The following PPP6R3 variants were observed in gnomAD, a reference collection of about 807,000 sequenced individuals.
The protein encoded by PPP6R3 is protein phosphatase 6 regulatory subunit 3.
PPP6R3 carries 38 observed loss-of-function variants against 110.7 expected under a neutral mutation model. That is an observed-to-expected ratio of 0.34 (90% CI 0.26 to 0.45). The LOEUF is 0.45. Ranked by LOEUF, PPP6R3 falls within the 20% of genes least tolerant of loss-of-function variation. The probability of loss-of-function intolerance (pLI) is 1.00; values close to 1 mark genes in which losing one functional copy is unlikely to be tolerated. For synonymous variants in PPP6R3, 369 were observed against 373.5 expected (o/e 0.99, Z 0.14); for missense variants, 870 against 1,062.4 (o/e 0.82, Z 2.52).
At chr11:68,493,616 CATATATAT>C (rs71043436) in intron 1 of PPP6R3, among the ~76,000 whole-genome samples, 19 of 137,484 alleles carry the variant, frequency 1.4e-4, no homozygotes, top group Non-Finnish European at 2.6e-4. Flanking sequence ...AAAACAAAAC[CATATATAT>C]ATATATATAT....
chr11:68,495,163 GTC>G (rs975884231), intron 1 of PPP6R3, among the ~76,000 whole-genome samples: 78 of 152,286 alleles, frequency 5.1e-4, no homozygotes, highest in African/African-American at 1.8e-3. Flanking sequence ...ATCAGTTACT[GTC>G]TCTCCAGCTC....
intron 3 of PPP6R3, among the ~76,000 whole-genome samples, chr11:68,542,764 T>A (rs1487453381): frequency 1.3e-5 from 2 of 152,204 alleles, no homozygotes; most frequent in East Asian, 3.9e-4. Flanking sequence ...ACCAGAACTC[T>A]GAGCTTTTTG....
intron 20 of PPP6R3, 37 bp from the exon 21 acceptor site, chr11:68,601,826 C>A: frequency 6.5e-7 from 1 of 1,538,868 alleles, no homozygotes; most frequent in African/African-American, 1.4e-5. Flanking sequence ...AGGACCATTC[C>A]CTGCTGCTAA....
In PPP6R3 at chr11:68,600,393, T is replaced by C. The variant is rs1423159687; in HGVS notation, c.2091T>C (p.Ala697=). ...TCCCAATGGAAACAACCCACGGTGC[T>C]CCATTGGATTCTGTGGGATCTGATG... ...FDVPMETTHG[A]PLDSVGSDVW... The change falls in exon 20 of 24, where the codon GCT becomes GCC. Residue 697 remains alanine, a synonymous_variant. Transcript: ENST00000393800. 1 of 1,614,108 alleles carries C rather than the reference T, an allele frequency of 6.2e-7. No individual in the cohort carries two copies. Among genetic ancestry groups the C allele is most frequent in the Admixed American group, 1.7e-5 (1 of 60,018 alleles).
intron 1 of PPP6R3, among the ~76,000 whole-genome samples, chr11:68,468,982 A>G (rs996700447): frequency 1.3e-5 from 2 of 152,194 alleles, no homozygotes; most frequent in African/African-American, 2.4e-5. Context: ...AAGGATCAAT[A>G]TATGTTAACA....
At chr11:68,585,819 T>C (rs1379968080) in intron 15 of PPP6R3, among the ~76,000 whole-genome samples, 1 of 152,242 alleles carries the variant, frequency 6.6e-6, no homozygotes, top group Non-Finnish European at 1.5e-5. Flanking sequence ...TATATCTGTA[T>C]ATGTATTCTG....
At chr11:68,510,867 T>G (rs1036062180) in intron 1 of PPP6R3, among the ~76,000 whole-genome samples, 1 of 152,172 alleles carries the variant, frequency 6.6e-6, no homozygotes, top group Non-Finnish European at 1.5e-5. Context: ...GTGTATACTT[T>G]CTGATTTTTT....
intron 1 of PPP6R3, among the ~76,000 whole-genome samples, chr11:68,506,185 G>A (rs529704015): frequency 6.7e-6 from 1 of 148,894 alleles, no homozygotes; most frequent in Admixed American, 6.7e-5. Context: ...CCACCCTTAG[G>A]CTTGAGTTCT....
At position 68,535,351 on chromosome 11, in the gene PPP6R3, G is replaced by A. The variant is rs1017738243; in HGVS notation, c.-6-2308G>A. 8 of 152,226 alleles carry A rather than the reference G, an allele frequency of 5.3e-5. No individual in the cohort carries two copies. The East Asian group carries it at 7.7e-4, about 15-fold the overall frequency. The allele number at this position is 152,226 out of a possible 1,614,324, so 9.4% of individuals were successfully genotyped here. A position where few individuals can be genotyped will look rare whatever the true frequency, so the allele number is the denominator to read the frequency against. ...TCTGGACATAATTATTAGACTAATC[G>A]AATAGAGGAACAAGACAGCCCTGCC... On this transcript the variant is annotated intron_variant, in intron 2 of 23. Transcript: ENST00000393800.
intron 11 of PPP6R3, among the ~76,000 whole-genome samples, chr11:68,570,382 C>T (rs1199637599): frequency 6.6e-6 from 1 of 152,084 alleles, no homozygotes; most frequent in East Asian, 1.9e-4. Context: ...TTTTTTCTTG[C>T]TTGGTAGTTC....
At chr11:68,472,836 C>G (rs542116363) in intron 1 of PPP6R3, among the ~76,000 whole-genome samples, 1 of 152,272 alleles carries the variant, frequency 6.6e-6, no homozygotes, top group Non-Finnish European at 1.5e-5. Flanking sequence ...TAGAATCATA[C>G]AATAGGTGGT....
intron 1 of PPP6R3, chr11:68,488,576 C>G (rs1431980269): frequency 6.6e-6 from 1 of 152,312 alleles, no homozygotes. Flanking sequence ...CGGCTTCTTC[C>G]CTGTCAACGG....
intron 2 of PPP6R3, among the ~76,000 whole-genome samples, chr11:68,520,312 T>C (rs576190483): frequency 3.9e-5 from 6 of 152,330 alleles, no homozygotes; most frequent in South Asian, 2.1e-4. Context: ...CTTGAAATTT[T>C]AGTCACTTTT....
chr11:68,487,061 G>A (rs1459726057), intron 1 of PPP6R3, among the ~76,000 whole-genome samples: 1 of 151,762 alleles, frequency 6.6e-6, no homozygotes, highest in Non-Finnish European at 1.5e-5. Flanking sequence ...TTGATTTCCT[G>A]TTTTCAGTTT....
intron 1 of PPP6R3, among the ~76,000 whole-genome samples, chr11:68,488,085 A>C (rs1220030745): frequency 5.3e-5 from 8 of 152,178 alleles, no homozygotes; most frequent in South Asian, 2.1e-4. Context: ...TCTTCTTGGA[A>C]TATTTCTTCC....
At chr11:68,595,739 A>T (rs2099611978) in intron 18 of PPP6R3, among the ~76,000 whole-genome samples, 1 of 152,246 alleles carries the variant, frequency 6.6e-6, no homozygotes, top group Non-Finnish European at 1.5e-5. Context: ...GACAGTTAAG[A>T]TATAAGATGG....
At chr11:68,471,143 G>C (rs1221380015) in intron 1 of PPP6R3, among the ~76,000 whole-genome samples, 4 of 151,870 alleles carry the variant, frequency 2.6e-5, no homozygotes, top group African/African-American at 9.7e-5. Flanking sequence ...AAATTAGCCG[G>C]CTTAGTGGTG....
In PPP6R3 at chr11:68,613,605, C is replaced by CTAAGTGTTATT; in HGVS notation, c.*490_*500dup. 2.0e-6 allele frequency: 2 copies of CTAAGTGTTATT among 985,868 alleles called. No individual in the cohort carries two copies. The highest frequency in any genetic ancestry group is 2.4e-6 in the Non-Finnish European group (2 of 830,042). 61.1% of individuals were successfully genotyped at this position (985,868 alleles called of 1,614,324 possible). On this transcript the variant is annotated 3_prime_UTR_variant, in exon 24 of 24. Transcript: ENST00000393800. ...AGGAGTTGTAGAATGAAAATGCCCT[C>CTAAGTGTTATT]TAAGTGTTATTTTGGTTGTTCTAAC... is the stretch of plus-strand genomic sequence containing the variant.
At chr11:68,601,838 A>T (rs372217667) in intron 20 of PPP6R3, 25 bp from the exon 21 acceptor site, 514 of 1,576,540 alleles carry the variant, frequency 3.3e-4, no homozygotes, top group Non-Finnish European at 4.3e-4. Flanking sequence ...TGCTGCTAAT[A>T]TCTGAATTTT....
Sources: allele counts gnomAD v4.1 joint callset (sites outside exome capture counted in the v4.1 genomes callset), GRCh38; gene constraint gnomAD v4.1.1; transcripts MANE v1.5; gene names NCBI Gene and HGNC (gene_info 2026-07-23, HGNC 2026-07-21).